SUMF1: variants seen among roughly 807,000 people sequenced by gnomAD.
SUMF1 encodes formylglycine-generating enzyme.
SUMF1 carries 48 observed loss-of-function variants against 47.6 expected under a neutral mutation model. That is an observed-to-expected ratio of 1.01 (90% CI 0.80 to 1.28). The LOEUF is 1.28. Ranked by LOEUF, SUMF1 falls within the 50% of genes most tolerant of loss-of-function variation. The pLI is 0.00. For missense variants in SUMF1, 571 were observed against 485.4 expected (o/e 1.18, Z -1.66); for synonymous variants, 230 against 192.1 (o/e 1.20, Z -1.63).
intron 8 of SUMF1, among the ~76,000 whole-genome samples, chr3:4,145,191 TAAAAAAAAAA>T (rs35699553): frequency 1.1e-5 from 1 of 90,510 alleles, no homozygotes. Context: ...AAACTCCGTC[TAAAAAAAAAA>T]AAAAAAAAAA....
At chr3:4,088,580 A>T (rs892581246) in intron 8 of SUMF1, among the ~76,000 whole-genome samples, 8 of 152,022 alleles carry the variant, frequency 5.3e-5, no homozygotes, top group Admixed American at 2.6e-4. Flanking sequence ...CACATTTTAA[A>T]TTTCATTTAT....
chr3:4,233,047 C>T (rs1213134237), intron 8 of SUMF1, among the ~76,000 whole-genome samples: 2 of 152,126 alleles, frequency 1.3e-5, no homozygotes, highest in African/African-American at 4.8e-5. Flanking sequence ...GTAAAGCAAA[C>T]ATCTGTACCC....
intron 8 of SUMF1, among the ~76,000 whole-genome samples, chr3:4,185,409 G>A (rs868843189): frequency 3.3e-5 from 5 of 152,048 alleles, no homozygotes; most frequent in South Asian, 2.1e-4. Context: ...CTAAGATGTT[G>A]GTGAATTATT....
chr3:4,161,143 C>T (rs1694567068), intron 8 of SUMF1, among the ~76,000 whole-genome samples: 2 of 152,108 alleles, frequency 1.3e-5, no homozygotes, highest in South Asian at 4.1e-4. Flanking sequence ...CAGACAGAGA[C>T]TCTTGTTCTC....
intron 1 of SUMF1, among the ~76,000 whole-genome samples, chr3:4,454,765 G>C (rs1053132291): frequency 2.0e-5 from 3 of 152,314 alleles, no homozygotes; most frequent in Admixed American, 1.3e-4. Flanking sequence ...ATTGGTTCAT[G>C]CTACAACATG....
chr3:4,269,407 C>T (rs1217095967), intron 8 of SUMF1, among the ~76,000 whole-genome samples: 1 of 152,096 alleles, frequency 6.6e-6, no homozygotes, highest in African/African-American at 2.4e-5. Flanking sequence ...TTACCAAAGG[C>T]CTATAATAGC....
chr3:4,168,069 C>G (rs1404765906), intron 8 of SUMF1, among the ~76,000 whole-genome samples: 2 of 152,088 alleles, frequency 1.3e-5, no homozygotes, highest in Admixed American at 6.6e-5. Context: ...TGGCACTGAC[C>G]ATTACCCAAT....
intron 9 of SUMF1, among the ~76,000 whole-genome samples, chr3:4,060,211 T>G (rs945239208): frequency 1.3e-5 from 2 of 152,192 alleles, no homozygotes; most frequent in African/African-American, 4.8e-5. Context: ...TGATAGAGAT[T>G]AGCGATTTCT....
intron 8 of SUMF1, among the ~76,000 whole-genome samples, chr3:4,297,564 A>ATTTTTTT (rs746612402): frequency 3.5e-5 from 4 of 113,878 alleles, no homozygotes; most frequent in Admixed American, 9.6e-5. Flanking sequence ...CTACACCTGA[A>ATTTTTTT]TTTTTTTTTT....
intron 8 of SUMF1, among the ~76,000 whole-genome samples, chr3:4,287,136 C>T (rs1000708494): frequency 7.9e-5 from 12 of 152,074 alleles, no homozygotes; most frequent in African/African-American, 2.7e-4. Flanking sequence ...TTCCTGAGTT[C>T]TTGTATGTTT....
chr3:4,173,785 A>G (rs539785092), intron 8 of SUMF1, among the ~76,000 whole-genome samples: 2 of 152,246 alleles, frequency 1.3e-5, no homozygotes, highest in South Asian at 2.1e-4. Flanking sequence ...AGGAAGAGAA[A>G]ATCAAACACC....
chr3:4,238,885 T>C (rs1696473591), intron 8 of SUMF1, among the ~76,000 whole-genome samples: 1 of 152,206 alleles, frequency 6.6e-6, no homozygotes, highest in African/African-American at 2.4e-5. Flanking sequence ...CCAGGTTTTC[T>C]TCCAGGGCTT....
intron 8 of SUMF1, among the ~76,000 whole-genome samples, chr3:4,227,398 T>C (rs1015150374): frequency 6.6e-6 from 1 of 152,136 alleles, no homozygotes; most frequent in African/African-American, 2.4e-5. Flanking sequence ...GGTCAAGTGC[T>C]ATGAAGAAAA....
At chr3:4,400,055 G>C (rs556319159) in intron 7 of SUMF1, among the ~76,000 whole-genome samples, 22 of 152,094 alleles carry the variant, frequency 1.4e-4, no homozygotes, top group Non-Finnish European at 2.8e-4. Flanking sequence ...CTAAATTTCT[G>C]TTCTCGATTC....
intron 2 of SUMF1, among the ~76,000 whole-genome samples, chr3:4,451,788 A>G (rs1702978336): frequency 1.3e-5 from 2 of 152,060 alleles, no homozygotes; most frequent in African/African-American, 4.8e-5. Flanking sequence ...GGTTCATGCT[A>G]TTCTCCTGCC....
intron 3 of SUMF1, among the ~76,000 whole-genome samples, chr3:4,448,969 A>G (rs1340650204): frequency 6.6e-6 from 1 of 152,226 alleles, no homozygotes; most frequent in African/African-American, 2.4e-5. Context: ...CTATAAGTAA[A>G]TGAAACTCGG....
chr3:4,457,801 T>A (rs1026695025), intron 1 of SUMF1, among the ~76,000 whole-genome samples: 1 of 152,070 alleles, frequency 6.6e-6, no homozygotes, highest in Non-Finnish European at 1.5e-5. Context: ...GAAGAAAACA[T>A]TGGGAAAAGA....
In SUMF1 at chr3:4,376,899, A is replaced by G. The variant is rs140543602; in HGVS notation, c.955-510T>C. Among the ~76,000 whole-genome samples, 1,323 of 152,180 alleles carry G rather than the reference A, an allele frequency of 8.7e-3. 11 individuals carry two copies. Among genetic ancestry groups the G allele is most frequent in the Non-Finnish European group, 0.012 (787 of 67,994 alleles). On this transcript the variant is annotated intron_variant, in intron 7 of 8. Transcript: ENST00000272902. ...CAGCCTTGACCACCTGGGCTCAAGC[A>G]ATCCTCCCTCCTCAGCCTCCCAAGT...
chr3:4,435,497 G>GA (rs1409477762), intron 3 of SUMF1, among the ~76,000 whole-genome samples: 10 of 152,172 alleles, frequency 6.6e-5, no homozygotes, highest in Non-Finnish European at 1.5e-4. Context: ...AATAATATCT[G>GA]AAAAAATCCC....
Sources: gnomAD v4.1 joint callset for allele counts (sites outside exome capture counted in the v4.1 genomes callset) on GRCh38, gnomAD v4.1.1 for gene constraint, MANE v1.5 for transcripts, NCBI Gene and HGNC (gene_info 2026-07-23, HGNC 2026-07-21) for gene names.